Variants in DNM2 observed in about 807,000 individuals in gnomAD.
DNM2 encodes the protein dynamin-2.
Under a neutral mutation model 99.0 loss-of-function variants are expected in DNM2, and 15 were observed. That is an observed-to-expected ratio of 0.15 (90% CI 0.10 to 0.23). DNM2 has a LOEUF of 0.23. Ranked by LOEUF, DNM2 falls within the 10% of genes least tolerant of loss-of-function variation. DNM2 has a pLI of 1.00. For missense variants in DNM2, 742 were observed against 1,189.4 expected, an observed-to-expected ratio of 0.62 and a Z score of 5.53; for synonymous variants, 525 against 481.2, an observed-to-expected ratio of 1.09 and a Z score of -1.19.
In DNM2 at chr19:10,749,455, C is replaced by T. The variant is rs897297999; in HGVS notation, c.162-10283C>T. ...TATCCCCTTCCAGGGAGAGGTGGCC[C>T]ACTTTAGAGCTCTGAAACCTGCTCT... is the stretch of plus-strand genomic sequence containing the variant. On this transcript the variant is annotated intron_variant, in intron 1 of 20. Coordinates refer to ENST00000389253, the MANE Select transcript of DNM2 (RefSeq NM_001005361.3). Among the ~76,000 whole-genome samples the T allele has an allele frequency of 2.6e-5, 4 of 152,208 alleles. No homozygotes were observed. In the East Asian group the frequency reaches 7.7e-4, roughly 29 times the overall value.
chr19:10,779,737 G>A (rs1156429164), intron 5 of DNM2, among the ~76,000 whole-genome samples: 1 of 151,894 alleles, frequency 6.6e-6, no homozygotes, highest in Non-Finnish European at 1.5e-5. Flanking sequence ...CCAGGCTGGA[G>A]TGCAGGGGCA....
At chr19:10,745,216 C>T (rs1436126273) in intron 1 of DNM2, among the ~76,000 whole-genome samples, 2 of 152,210 alleles carry the variant, frequency 1.3e-5, no homozygotes, top group African/African-American at 4.8e-5. Context: ...ACCTTCGGCA[C>T]TGCAGCCTGC....
intron 1 of DNM2, among the ~76,000 whole-genome samples, chr19:10,741,485 T>C (rs556900859): frequency 3.9e-5 from 6 of 152,014 alleles, no homozygotes; most frequent in African/African-American, 1.4e-4. Context: ...CATCTTGGCC[T>C]CCCAAAGTGC....
At chr19:10,825,314 C>T (rs1232058418) in intron 18 of DNM2, 93 bp downstream of exon 18, 2 of 1,552,498 alleles carry the variant, frequency 1.3e-6, no homozygotes, top group African/African-American at 2.7e-5. Flanking sequence ...GCGGGCGGAT[C>T]ACTTGAGGTC....
At chr19:10,721,555 G>T (rs374554958) in intron 1 of DNM2, among the ~76,000 whole-genome samples, 10 of 152,188 alleles carry the variant, frequency 6.6e-5, no homozygotes, top group African/African-American at 2.2e-4. Context: ...TTTTTGGGGG[G>T]GTGTAAGAGA....
intron 13 of DNM2, among the ~76,000 whole-genome samples, chr19:10,807,875 G>A (rs1599593967): frequency 6.6e-6 from 1 of 150,748 alleles, no homozygotes; most frequent in East Asian, 2.0e-4. Context: ...GGGCACGGTG[G>A]CTCACACCTG....
rs1296967675 is a variant in DNM2 at position 10,761,381 on chromosome 19, C to G, written c.235+1570C>G. On this transcript the variant is annotated intron_variant, in intron 2 of 20. Coordinates refer to ENST00000389253, the MANE Select transcript of DNM2 (RefSeq NM_001005361.3). ...GTGGATTTTTTCCTGTTCTTTCCTT[C>G]CCTGATCTCAGTGTATTTCTATTCT... Among the ~76,000 whole-genome samples, 4 of 152,068 alleles carry G rather than the reference C, an allele frequency of 2.6e-5. No homozygotes were observed. The South Asian group carries it at 6.3e-4, about 24-fold the overall frequency.
chr19:10,786,665 T>C lies in DNM2; in HGVS notation c.951T>C (p.Phe317=), dbSNP rs756174348. 1 of 1,614,036 alleles carries C rather than the reference T, an allele frequency of 6.2e-7. No homozygotes were observed. The highest frequency in any genetic ancestry group is 8.5e-7 in the Non-Finnish European group (1 of 1,180,002). The change falls in exon 7 of 21, where the codon TTT becomes TTC. Residue 317 remains phenylalanine (F), a synonymous_variant. Transcript: ENST00000389253. ...AGGAGGTGGAGGAGTACAAGAACTT[T>C]CGGCCCGACGACCCCACCCGCAAAA... ...LEKEVEEYKN[F]RPDDPTRKTK... is the part of the protein sequence containing the mutation.
chr19:10,812,196 G>C lies in DNM2; in HGVS notation c.1558-68G>C, dbSNP rs1222178591. On this transcript the variant is annotated intron_variant, in intron 14 of 20. Transcript: ENST00000389253. The surrounding 1 kb of genome is among the most constrained non-coding windows in gnomAD (Gnocchi z 4.0). ...GGCTTCCCACTGAGCTGTGGGCAAG[G>C]CTGCTGCGCTGGGGGATGGCTGGGG... 1 of 1,401,178 alleles carries C rather than the reference G, an allele frequency of 7.1e-7. No homozygotes were observed. The highest frequency in any genetic ancestry group is 9.8e-7 in the Non-Finnish European group (1 of 1,019,622). 86.8% of individuals were successfully genotyped at this position (1,401,178 alleles called of 1,614,324 possible). A position where few individuals can be genotyped will look rare whatever the true frequency, so the allele number is the denominator to read the frequency against.
At position 10,719,033 on chromosome 19, in the gene DNM2, C is replaced by G. The variant is rs2068848883; in HGVS notation, c.161+630C>G. On this transcript the variant is annotated intron_variant, in intron 1 of 20. Transcript: ENST00000389253. The stretch of plus-strand genomic sequence containing the variant: ...TGAGCAGTCCCTCTGTTGGGTGACA[C>G]CAGCTGGCCTCTACTGTCTGACTGG... Among the ~76,000 whole-genome samples, 2 of 152,174 alleles carry G rather than the reference C, an allele frequency of 1.3e-5. 1 individual carries two copies. Among genetic ancestry groups the G allele is most frequent in the South Asian group, 4.1e-4 (2 of 4,834 alleles).
chr19:10,740,673 G>A (rs1344910510), intron 1 of DNM2, among the ~76,000 whole-genome samples: 3 of 152,124 alleles, frequency 2.0e-5, no homozygotes, highest in African/African-American at 2.4e-5. Flanking sequence ...CACCGCGCCC[G>A]GCCAAAATCT....
At chr19:10,766,095 T>C (rs1186825982) in intron 2 of DNM2, among the ~76,000 whole-genome samples, 2 of 152,266 alleles carry the variant, frequency 1.3e-5, no homozygotes, top group East Asian at 3.9e-4. Context: ...TGGGTGTCGC[T>C]AGGCTGTGAA....
chr19:10,815,855 T>C (rs1193883312), intron 15 of DNM2, among the ~76,000 whole-genome samples: 4 of 152,162 alleles, frequency 2.6e-5, no homozygotes, highest in Non-Finnish European at 2.9e-5. Flanking sequence ...TAGGCAGGAC[T>C]GGGCTTGGAA....
intron 15 of DNM2, among the ~76,000 whole-genome samples, chr19:10,819,203 G>A (rs1024742037): frequency 6.6e-6 from 1 of 152,120 alleles, no homozygotes; most frequent in East Asian, 1.9e-4. Context: ...CTTGAACCCA[G>A]GAGTTTAAGA....
chr19:10,818,789 G>A lies in DNM2; in HGVS notation c.1672-1191G>A, dbSNP rs968821770. 6.6e-6 allele frequency among the ~76,000 whole-genome samples: 1 copy of A among 152,188 alleles called. No homozygotes were observed. The highest frequency in any genetic ancestry group is 2.4e-5 in the African/African-American group (1 of 41,432). ...GAGAAGAAGGGCCAGGGGCACTGTG[G>A]GGAGGACTGGGCTTTGGGTCACAGA... On this transcript the variant is annotated intron_variant, in intron 15 of 20. Transcript: ENST00000389253. The surrounding 1 kb of genome is among the most constrained non-coding windows in gnomAD (Gnocchi z 4.3).
At chr19:10,776,134 T>C (rs1464126811) in intron 4 of DNM2, among the ~76,000 whole-genome samples, 1 of 152,040 alleles carries the variant, frequency 6.6e-6, no homozygotes, top group Non-Finnish European at 1.5e-5. Flanking sequence ...GCAGTGCCCA[T>C]GTTGCCAGAG....
chr19:10,736,126 G>A (rs551681439), intron 1 of DNM2, among the ~76,000 whole-genome samples: 12 of 152,156 alleles, frequency 7.9e-5, no homozygotes, highest in Admixed American at 3.3e-4. Context: ...TTAGCTGGGC[G>A]TGGTGGTGGG....
In DNM2 at chr19:10,718,284, C is replaced by A; in HGVS notation, c.42C>A (p.Asn14Lys). 1 of 1,499,352 alleles carries A rather than the reference C, an allele frequency of 6.7e-7. No homozygotes were observed. The highest frequency in any genetic ancestry group is 8.9e-7 in the Non-Finnish European group (1 of 1,123,802). The allele number at this position is 1,499,352 out of a possible 1,614,324, so 92.9% of individuals were successfully genotyped here. A position where few individuals can be genotyped will look rare whatever the true frequency, so the allele number is the denominator to read the frequency against. ...TGGAAGAGCTGATCCCGCTGGTCAA[C>A]AAACTGCAGGACGCCTTCAGCTCCA... Reference protein sequence around the residue: ...RGMEELIPLVNKLQDAFSSIG... With the variant: ...RGMEELIPLVKKLQDAFSSIG... Residue 14 changes from asparagine (N) to lysine (K), a missense_variant, in exon 1 of 21, where the codon AAC becomes AAA. Coordinates refer to ENST00000389253, the MANE Select transcript of DNM2 (RefSeq NM_001005361.3).
chr19:10,749,765 G>A (rs2070128868), intron 1 of DNM2, among the ~76,000 whole-genome samples: 1 of 152,262 alleles, frequency 6.6e-6, no homozygotes, highest in South Asian at 2.1e-4. Context: ...CAGGCCAGGT[G>A]CAGAAGTCTT....
Sources: gnomAD v4.1 joint callset for allele counts (sites outside exome capture counted in the v4.1 genomes callset) on GRCh38, gnomAD v4.1.1 for gene constraint, Gnocchi (gnomAD v3.1) non-coding constraint, MANE v1.5 for transcripts, NCBI Gene and HGNC (gene_info 2026-07-23, HGNC 2026-07-21) for gene names.